Variants in MYH10 observed in about 807,000 individuals in gnomAD.
MYH10 encodes the protein myosin heavy chain 10.
In MYH10, 55 loss-of-function variants were observed where a neutral mutation model predicts 257.8. The observed-to-expected ratio is 0.21, with a 90% CI of 0.17 to 0.27. MYH10 has a LOEUF of 0.27. MYH10 is among the 10% of genes least tolerant of loss of function. The pLI is 1.00. For missense variants in MYH10, 1,631 were observed against 2,500.6 expected, an observed-to-expected ratio of 0.65 and a Z score of 7.42; for synonymous variants, 854 against 921.7, an observed-to-expected ratio of 0.93 and a Z score of 1.33.
chr17:8,493,699 G>A (rs763434439), intron 32 of MYH10, 34 bp downstream of exon 32: 11 of 1,586,686 alleles, frequency 6.9e-6, no homozygotes, highest in East Asian at 2.2e-5. Context: ...GGCACACATC[G>A]AGGCCACCGC....
intron 2 of MYH10, among the ~76,000 whole-genome samples, chr17:8,614,832 G>A (rs1597983425): frequency 1.3e-5 from 2 of 152,052 alleles, no homozygotes; most frequent in Admixed American, 1.3e-4. Context: ...TAAGCCTCTG[G>A]TGACACTCAT....
chr17:8,512,673 A>G lies in MYH10; in HGVS notation c.2746-16T>C. On this transcript the variant is annotated splice_polypyrimidine_tract_variant and intron_variant, in intron 23 of 42. Transcript: ENST00000360416. Reference sequence around the variant, plus strand: ...CTTCTAAAAGCTGCAATCACAATAAAGTGTCTGTGATTTGCCCCTATTACA... The same window carrying G: ...CTTCTAAAAGCTGCAATCACAATAAGGTGTCTGTGATTTGCCCCTATTACA... 6.2e-7 allele frequency: 1 copy of G among 1,604,472 alleles called. No individual in the cohort carries two copies. The highest frequency in any genetic ancestry group is 8.5e-7 in the Non-Finnish European group (1 of 1,176,008).
At chr17:8,519,886 C>G (rs1047707585) in intron 19 of MYH10, among the ~76,000 whole-genome samples, 1 of 148,832 alleles carries the variant, frequency 6.7e-6, no homozygotes, top group African/African-American at 2.5e-5. Context: ...AAATAACTCT[C>G]AACATATGTT....
rs142213967 is a variant in MYH10, at chr17:8,477,150, T to C, written c.5707-102A>G. The C allele has an allele frequency of 1.5e-3, 2,077 of 1,360,408 alleles. 1 individual carries two copies. The highest frequency in any genetic ancestry group is 1.8e-3 in the Non-Finnish European group (1,760 of 979,982). 84.3% of individuals were successfully genotyped at this position (1,360,408 alleles called of 1,614,324 possible). A position where few individuals can be genotyped will look rare whatever the true frequency, so the allele number is the denominator to read the frequency against. Reference sequence around the variant, plus strand: ...AGTGTGGGGCTCTGCCTGTTACCCTTGTGAGCACGCGTGTACACGGATGTA... The same window carrying C: ...AGTGTGGGGCTCTGCCTGTTACCCTCGTGAGCACGCGTGTACACGGATGTA... On this transcript the variant is annotated intron_variant, in intron 41 of 42. Coordinates refer to ENST00000360416, the MANE Select transcript of MYH10 (RefSeq NM_001256012.3). This position sits in a 1 kb window ranked among gnomAD's most constrained non-coding sequence, Gnocchi z 4.2.
chr17:8,483,272 G>A (rs1352129859), intron 37 of MYH10, among the ~76,000 whole-genome samples: 1 of 152,194 alleles, frequency 6.6e-6, no homozygotes, highest in Admixed American at 6.5e-5. Context: ...AAGCTTGAGA[G>A]CTGATGAGCT....
chr17:8,574,338 T>G (rs1017307352), intron 6 of MYH10, among the ~76,000 whole-genome samples: 1 of 152,132 alleles, frequency 6.6e-6, no homozygotes, highest in South Asian at 2.1e-4. Context: ...CGCAAATACA[T>G]AGAGACAGAA....
chr17:8,493,393 A>G (rs1266154483), intron 32 of MYH10, among the ~76,000 whole-genome samples: 2 of 152,182 alleles, frequency 1.3e-5, no homozygotes. Context: ...GAAGAAAAAA[A>G]AAACCTTTTG....
intron 6 of MYH10, among the ~76,000 whole-genome samples, chr17:8,570,171 T>C (rs963244826): frequency 1.1e-4 from 17 of 152,264 alleles, no homozygotes; most frequent in African/African-American, 3.6e-4. Flanking sequence ...AACATATTAA[T>C]ACTTGTTTAT....
chr17:8,491,716 G>T (rs142689791), intron 34 of MYH10, among the ~76,000 whole-genome samples: 246 of 152,300 alleles, frequency 1.6e-3, no homozygotes, highest in African/African-American at 5.7e-3. Context: ...GGTTTGTTTT[G>T]CTATCTTCAA....
Position 8,552,200 on chromosome 17 carries a change from G to A in MYH10, c.821-56C>T. On this transcript the variant is annotated intron_variant, in intron 8 of 42. Transcript: ENST00000360416. This position sits in a 1 kb window ranked among gnomAD's most constrained non-coding sequence, Gnocchi z 4.8. The stretch of plus-strand genomic sequence containing the variant: ...TTAATATAATTCTTAAATAAATAAA[G>A]GCCCTCTTTCAGCGTCTGTAAATTT... 1 of 863,386 alleles carries A rather than the reference G, an allele frequency of 1.2e-6. No individual in the cohort carries two copies. The highest frequency in any genetic ancestry group is 1.7e-6 in the Non-Finnish European group (1 of 599,592). 53.5% of individuals were successfully genotyped at this position (863,386 alleles called of 1,614,324 possible). A position where few individuals can be genotyped will look rare whatever the true frequency, so the allele number is the denominator to read the frequency against.
chr17:8,552,641 A>C lies in MYH10; in HGVS notation c.821-497T>G, dbSNP rs1224345079. 6.6e-6 allele frequency among the ~76,000 whole-genome samples: 1 copy of C among 152,234 alleles called. No homozygotes were observed. Among genetic ancestry groups the C allele is most frequent in the East Asian group, 1.9e-4 (1 of 5,206 alleles). The stretch of plus-strand genomic sequence containing the variant: ...GAACCAAAAACTTGGCTTGACTCCA[A>C]AATGCATGATGAGAGTGCCCACAAT... On this transcript the variant is annotated intron_variant, in intron 8 of 42. Coordinates refer to ENST00000360416, the MANE Select transcript of MYH10 (RefSeq NM_001256012.3). This position sits in a 1 kb window ranked among gnomAD's most constrained non-coding sequence, Gnocchi z 4.8.
intron 41 of MYH10, 68 bp downstream of exon 41, chr17:8,478,270 T>C: frequency 7.5e-7 from 1 of 1,340,448 alleles, no homozygotes; most frequent in Non-Finnish European, 1.1e-6. Flanking sequence ...TGGTCAGTTG[T>C]GCCACCAGCT....
At position 8,490,671 on chromosome 17, in the gene MYH10, C is replaced by A; in HGVS notation, c.4672-119G>T. 2 of 883,704 alleles carry A rather than the reference C, an allele frequency of 2.3e-6. No homozygotes were observed. Among genetic ancestry groups the A allele is most frequent in the Admixed American group, 2.1e-5 (1 of 48,650 alleles). 54.7% of individuals were successfully genotyped at this position (883,704 alleles called of 1,614,324 possible). On this transcript the variant is annotated intron_variant, in intron 34 of 42. Transcript: ENST00000360416. The surrounding 1 kb of genome is among the most constrained non-coding windows in gnomAD (Gnocchi z 4.1). ...GCTGGCCACTTTGGTCCCCCTGGGC[C>A]GGCCCCCTGCCACATGCATACACAT...
At chr17:8,596,214 G>A (rs1567958295) in intron 3 of MYH10, among the ~76,000 whole-genome samples, 2 of 149,506 alleles carry the variant, frequency 1.3e-5, no homozygotes, top group African/African-American at 2.5e-5. Context: ...GTGCAGTGGC[G>A]CGATCTTGGC....
Position 8,535,647 on chromosome 17 carries a change from C to G in MYH10, c.1779+111G>C, listed in dbSNP as rs2082121067. On this transcript the variant is annotated intron_variant, in intron 15 of 42. Coordinates refer to ENST00000360416, the MANE Select transcript of MYH10 (RefSeq NM_001256012.3). The surrounding 1 kb of genome is among the most constrained non-coding windows in gnomAD (Gnocchi z 4.3). ...AAAGACAATATGTTTGTAATATATA[C>G]TGTATTTGTTTATAAATGTTTATCA... 7.9e-7 allele frequency: 1 copy of G among 1,259,810 alleles called. No individual in the cohort carries two copies. Among genetic ancestry groups the G allele is most frequent in the African/African-American group, 1.5e-5 (1 of 66,638 alleles). The allele number at this position is 1,259,810 out of a possible 1,614,324, so 78.0% of individuals were successfully genotyped here.
At chr17:8,531,351 A>G (rs1374948807) in intron 16 of MYH10, among the ~76,000 whole-genome samples, 1 of 147,784 alleles carries the variant, frequency 6.8e-6, no homozygotes, top group Non-Finnish European at 1.5e-5. Flanking sequence ...AATCTTTAGG[A>G]TTTTTTTTTT....
rs2081090488 is a variant in MYH10, at chr17:8,506,870, C to T, written c.3215-381G>A. On this transcript the variant is annotated intron_variant, in intron 26 of 42. Transcript: ENST00000360416. This position sits in a 1 kb window ranked among gnomAD's most constrained non-coding sequence, Gnocchi z 5.0. Reference sequence around the variant, plus strand: ...CAGCAATCGTAGCTGCCTGTCACCCCATTCCCTTTTCCATGGGAACCCCTG... The same window carrying T: ...CAGCAATCGTAGCTGCCTGTCACCCTATTCCCTTTTCCATGGGAACCCCTG... 1.3e-5 allele frequency among the ~76,000 whole-genome samples: 2 copies of T among 152,338 alleles called. No homozygotes were observed. The highest frequency in any genetic ancestry group is 6.5e-5 in the Admixed American group (1 of 15,300).
rs935625531 is a variant in MYH10, at chr17:8,536,065, T to C, written c.1606-134A>G. 2.7e-5 allele frequency: 21 copies of C among 784,932 alleles called. No homozygotes were observed. The African/African-American group carries it at 3.5e-4, about 13-fold the overall frequency. The allele number at this position is 784,932 out of a possible 1,614,324, so 48.6% of individuals were successfully genotyped here. ...AACAAATTGCTAGGATGGAAAGGAA[T>C]GTCTAAGCCATAACAAGTTTATAAT... On this transcript the variant is annotated intron_variant, in intron 14 of 42. Transcript: ENST00000360416.
intron 5 of MYH10, 33 bp downstream of exon 5, chr17:8,577,203 G>A (rs1188141291): frequency 6.6e-7 from 1 of 1,505,530 alleles, no homozygotes; most frequent in South Asian, 1.2e-5. Flanking sequence ...AAAAGAAGAA[G>A]AAGATTTAAA....
Sources: allele counts gnomAD v4.1 joint callset (sites outside exome capture counted in the v4.1 genomes callset), GRCh38; gene constraint gnomAD v4.1.1; non-coding constraint Gnocchi (gnomAD v3.1); transcripts MANE v1.5; gene names NCBI Gene and HGNC (gene_info 2026-07-23, HGNC 2026-07-21).